The following PAM16 variants were observed in gnomAD, a reference collection of about 807,000 sequenced individuals.
PAM16 encodes the protein mitochondrial import inner membrane translocase subunit TIM16.
A neutral mutation model predicts 17.9 loss-of-function variants in PAM16; 11 were observed. The ratio of observed to expected loss-of-function variants is 0.62; its 90% CI spans 0.39 to 1.02. The LOEUF (loss-of-function observed/expected upper bound fraction) is 1.02, where lower values mean the gene tolerates loss of function less well. PAM16 is among the 50% of genes least tolerant of loss of function. The pLI is 0.01. For synonymous variants in PAM16, 72 were observed against 67.4 expected (o/e 1.07, Z -0.34); for missense variants, 199 against 165.4 (o/e 1.20, Z -1.11).
chr16:4,350,046 C>T (rs1225474603), intron 1 of PAM16, among the ~76,000 whole-genome samples: 1 of 152,116 alleles, frequency 6.6e-6, no homozygotes, highest in Non-Finnish European at 1.5e-5. Flanking sequence ...CCAGCTGCAA[C>T]AGAGTCACTT....
intron 1 of PAM16, among the ~76,000 whole-genome samples, chr16:4,344,494 T>C (rs1454711501): frequency 6.6e-5 from 3 of 45,774 alleles, no homozygotes; most frequent in Admixed American, 2.9e-4. Flanking sequence ...GAGGAGGGGG[T>C]TCTGTGAGAG....
In PAM16 at chr16:4,351,249, C is replaced by T. The variant is rs766096211; in HGVS notation, c.-15G>A. ...GGGCTCACCATGGCAGCCGCTCTGC[C>T]TCCGGGGCTCAAACTCCGACTTCCT... is the stretch of plus-strand genomic sequence containing the variant. On this transcript the variant is annotated 5_prime_UTR_variant, in exon 1 of 5. Transcript: ENST00000318059. 3 of 1,468,580 alleles carry T rather than the reference C, an allele frequency of 2.0e-6. No individual in the cohort carries two copies. Among genetic ancestry groups the T allele is most frequent in the South Asian group, 2.8e-5 (2 of 70,520 alleles). 91.0% of individuals were successfully genotyped at this position (1,468,580 alleles called of 1,614,324 possible).
intron 1 of PAM16, 81 bp from the exon 2 acceptor site, chr16:4,343,372 G>C: frequency 6.5e-7 from 1 of 1,529,508 alleles, no homozygotes; most frequent in Admixed American, 2.1e-5. Flanking sequence ...GCTGCCGAGG[G>C]GCAAGGCTCC....
At chr16:4,342,856 G>C (rs1353813008) in intron 2 of PAM16, among the ~76,000 whole-genome samples, 1 of 152,084 alleles carries the variant, frequency 6.6e-6, no homozygotes, top group Non-Finnish European at 1.5e-5. Flanking sequence ...CTACTCAGGA[G>C]GCTGAGGGAG....
At chr16:4,344,074 G>A (rs547675511) in intron 1 of PAM16, 6 of 397,888 alleles carry the variant, frequency 1.5e-5, no homozygotes, top group East Asian at 3.6e-5. Context: ...TGAACATGCC[G>A]GAACACTGCA....
intron 1 of PAM16, chr16:4,343,672 C>G: frequency 2.7e-6 from 2 of 736,672 alleles, no homozygotes; most frequent in South Asian, 4.3e-5. Context: ...ACTCTCGACC[C>G]TGGGGCCGAC....
chr16:4,350,870 TAAC>T (rs559906352), intron 1 of PAM16: 2 of 209,092 alleles, frequency 9.6e-6, no homozygotes, highest in South Asian at 1.9e-4. Context: ...CCACTGGGGA[TAAC>T]AACAGGGCAG....
chr16:4,343,528 A>G, intron 1 of PAM16: 1 of 1,424,594 alleles, frequency 7.0e-7, no homozygotes, highest in South Asian at 1.5e-5. Context: ...TCCCAGAGGC[A>G]GACTGGCCCC....
In PAM16 at chr16:4,351,311, C is replaced by G; in HGVS notation, c.-77G>C. On this transcript the variant is annotated 5_prime_UTR_variant, in exon 1 of 5. Coordinates refer to ENST00000318059, the MANE Select transcript of PAM16 (RefSeq NM_016069.11). ...CGGGGATCAAGCGTGGTCGGCGGGT[C>G]AGAGGTCAAGGAAAGCCGCAGAGAG... 3.3e-6 allele frequency: 4 copies of G among 1,225,154 alleles called. No individual in the cohort carries two copies. The highest frequency in any genetic ancestry group is 4.4e-6 in the Non-Finnish European group (4 of 916,062). The allele number at this position is 1,225,154 out of a possible 1,614,324, so 75.9% of individuals were successfully genotyped here. A position where few individuals can be genotyped will look rare whatever the true frequency, so the allele number is the denominator to read the frequency against.
chr16:4,346,288 A>T (rs2053758253), intron 1 of PAM16, among the ~76,000 whole-genome samples: 1 of 152,234 alleles, frequency 6.6e-6, no homozygotes, highest in Non-Finnish European at 1.5e-5. Flanking sequence ...CAGCTATCTG[A>T]CATAGACACG....
At position 4,351,318 on chromosome 16, in the gene PAM16, C is replaced by A; in HGVS notation, c.-84G>T. On this transcript the variant is annotated 5_prime_UTR_variant, in exon 1 of 5. Coordinates refer to ENST00000318059, the MANE Select transcript of PAM16 (RefSeq NM_016069.11). ...CAAGCGTGGTCGGCGGGTCAGAGGT[C>A]AAGGAAAGCCGCAGAGAGCGCGTGC... 8.9e-7 allele frequency: 1 copy of A among 1,120,208 alleles called. No individual in the cohort carries two copies. 69.4% of individuals were successfully genotyped at this position (1,120,208 alleles called of 1,614,324 possible). A position where few individuals can be genotyped will look rare whatever the true frequency, so the allele number is the denominator to read the frequency against.
rs8057968 is a variant in PAM16 at position 4,345,974 on chromosome 16, A to G, written c.4-2683T>C. The G allele has an allele frequency of 3.0e-3, 3,004 of 985,344 alleles. 46 individuals are homozygous for G. In the African/African-American group the frequency reaches 0.04, roughly 13 times the overall value. 61.0% of individuals were successfully genotyped at this position (985,344 alleles called of 1,614,324 possible). A position where few individuals can be genotyped will look rare whatever the true frequency, so the allele number is the denominator to read the frequency against. Reference sequence around the variant, plus strand: ...TCTGCTGCCATCGTACAGCCTTGCAATCACTTGTTTACTTTTCTGCCAAGG... The same window carrying G: ...TCTGCTGCCATCGTACAGCCTTGCAGTCACTTGTTTACTTTTCTGCCAAGG... On this transcript the variant is annotated intron_variant, in intron 1 of 4. Transcript: ENST00000318059.
Position 4,348,902 on chromosome 16 carries a change from C to G in PAM16, c.3+2330G>C, listed in dbSNP as rs1219446869. Among the ~76,000 whole-genome samples the G allele has an allele frequency of 2.0e-5, 3 of 151,488 alleles. No homozygotes were observed. In the South Asian group the frequency reaches 6.3e-4, roughly 32 times the overall value. On this transcript the variant is annotated intron_variant, in intron 1 of 4. Transcript: ENST00000318059. Reference sequence around the variant, plus strand: ...GAACCCCTGAGCTCAGGTAATCCACCCAAAGTGCTGGGATTACAGGCGTGA... The same window carrying G: ...GAACCCCTGAGCTCAGGTAATCCACGCAAAGTGCTGGGATTACAGGCGTGA...
At chr16:4,348,272 A>C (rs1289462010) in intron 1 of PAM16, 1 of 152,192 alleles carries the variant, frequency 6.6e-6, no homozygotes, top group East Asian at 1.9e-4. Context: ...CTGCTGTCTC[A>C]TGAACTCCAT....
intron 1 of PAM16, among the ~76,000 whole-genome samples, chr16:4,350,310 G>GTGTA (rs917595153): frequency 1.4e-5 from 2 of 147,770 alleles, no homozygotes; most frequent in South Asian, 2.1e-4. Flanking sequence ...GTGTGTGTGT[G>GTGTA]TATATATATA....
At chr16:4,343,672 C>T (rs1179962001) in intron 1 of PAM16, 1 of 736,552 alleles carries the variant, frequency 1.4e-6, no homozygotes, top group Non-Finnish European at 1.9e-6. Flanking sequence ...ACTCTCGACC[C>T]TGGGGCCGAC....
rs1447759440 is a variant in PAM16, at chr16:4,344,712, T to A, written c.4-1421A>T. Among the ~76,000 whole-genome samples the A allele has an allele frequency of 3.1e-4, 2 of 6,362 alleles. 1 individual carries two copies. Among genetic ancestry groups the A allele is most frequent in the African/African-American group, 1.7e-3 (2 of 1,208 alleles). 4.2% of individuals were successfully genotyped at this position (6,362 alleles called of 152,430 possible). A position where few individuals can be genotyped will look rare whatever the true frequency, so the allele number is the denominator to read the frequency against. Reference sequence around the variant, plus strand: ...GGTTCCGTGAGAGAAGGGGGTTCCGTGAGAGGAGGGGGTTCCGTGAGAGGA... The same window carrying A: ...GGTTCCGTGAGAGAAGGGGGTTCCGAGAGAGGAGGGGGTTCCGTGAGAGGA... On this transcript the variant is annotated intron_variant, in intron 1 of 4. Coordinates refer to ENST00000318059, the MANE Select transcript of PAM16 (RefSeq NM_016069.11).
At chr16:4,344,430 C>G (rs62646088) in intron 1 of PAM16, among the ~76,000 whole-genome samples, 10,378 of 11,186 alleles carry the variant, frequency 0.93, 5,104 homozygotes, top group East Asian at 0.95. Context: ...GACTGTGTGA[C>G]AGGAGGGGGT....
intron 1 of PAM16, chr16:4,343,653 C>A: frequency 1.0e-6 from 1 of 991,046 alleles, no homozygotes. Flanking sequence ...CTGGACCTGG[C>A]AGTAACTCAC....
Sources: gnomAD v4.1 joint callset for allele counts (sites outside exome capture counted in the v4.1 genomes callset) on GRCh38, gnomAD v4.1.1 for gene constraint, MANE v1.5 for transcripts, NCBI Gene and HGNC (gene_info 2026-07-23, HGNC 2026-07-21) for gene names.